CAMKK2: variants seen among roughly 807,000 people sequenced by gnomAD.
CAMKK2 encodes the protein calcium/calmodulin-dependent protein kinase kinase 2.
CAMKK2 carries 30 observed loss-of-function variants against 67.2 expected under a neutral mutation model. The observed-to-expected ratio is 0.45, with a 90% CI of 0.33 to 0.61. The LOEUF is 0.61. Among genes scored for constraint, CAMKK2 ranks in the 20% least tolerant of loss-of-function variants. CAMKK2 has a pLI of 0.02. For synonymous variants in CAMKK2, 322 were observed against 326.2 expected (o/e 0.99, Z 0.14); for missense variants, 643 against 802.0 (o/e 0.80, Z 2.39).
rs1195291672 is a variant in CAMKK2 at position 121,238,988 on chromosome 12, G to A, written c.*1711C>T. 1 of 152,640 alleles carries A rather than the reference G, an allele frequency of 6.6e-6. No individual in the cohort carries two copies. The highest frequency in any genetic ancestry group is 1.5e-5 in the Non-Finnish European group (1 of 68,072). The allele number at this position is 152,640 out of a possible 1,614,324, so 9.5% of individuals were successfully genotyped here. ...CCAGACGACCCTCTCTAGACTACCTGTCCTTTGCTCTTCAAAACCAGCATT... is the reference window on the plus strand; with the variant it reads ...CCAGACGACCCTCTCTAGACTACCTATCCTTTGCTCTTCAAAACCAGCATT... On this transcript the variant is annotated 3_prime_UTR_variant, in exon 17 of 17. Coordinates refer to ENST00000404169, the MANE Select transcript of CAMKK2 (RefSeq NM_001270485.2).
intron 1 of CAMKK2, among the ~76,000 whole-genome samples, chr12:121,275,305 G>A (rs141587130): frequency 9.1e-4 from 138 of 152,176 alleles, no homozygotes; most frequent in African/African-American, 3.1e-3. Flanking sequence ...CCAACATGGT[G>A]AAACCTCATC....
intron 13 of CAMKK2, 66 bp from the exon 14 acceptor site, chr12:121,248,800 G>T (rs765036095): frequency 2.5e-6 from 4 of 1,594,216 alleles, no homozygotes; most frequent in Non-Finnish European, 3.4e-6. Context: ...CTGCCAGCGA[G>T]CGGAGCCACA....
intron 2 of CAMKK2, 117 bp downstream of exon 2, chr12:121,273,939 G>C (rs982041383): frequency 2.4e-6 from 2 of 827,004 alleles, no homozygotes; most frequent in African/African-American, 1.7e-5. Flanking sequence ...TCAACTCCTA[G>C]GTCAACCGTG....
At chr12:121,242,782 G>A (rs1888626146) in intron 16 of CAMKK2, among the ~76,000 whole-genome samples, 1 of 151,576 alleles carries the variant, frequency 6.6e-6, no homozygotes, top group Admixed American at 6.6e-5. Context: ...TCGCTCTGTC[G>A]CCCAGGCTGG....
chr12:121,272,133 A>G (rs1895900224), intron 2 of CAMKK2, among the ~76,000 whole-genome samples: 1 of 152,204 alleles, frequency 6.6e-6, no homozygotes. Context: ...AAGCCATTGT[A>G]CCAGGCCTTG....
intron 13 of CAMKK2, 116 bp downstream of exon 13, chr12:121,249,671 G>A (rs2288693): frequency 0.055 from 48,294 of 875,110 alleles, 1,766 homozygotes; most frequent in South Asian, 0.11. Flanking sequence ...TGGGGCATAG[G>A]AGAACAGCGG....
At chr12:121,289,668 G>A (rs182786865) in intron 1 of CAMKK2, among the ~76,000 whole-genome samples, 34 of 152,182 alleles carry the variant, frequency 2.2e-4, no homozygotes, top group Admixed American at 4.6e-4. Context: ...TGAGGCGGGC[G>A]GATCACCTGA....
In CAMKK2 at chr12:121,240,523, C is replaced by CTT. The variant is rs1566023351; in HGVS notation, c.*175_*176insAA. The CTT allele has an allele frequency of 7.1e-7, 1 of 1,407,096 alleles. No homozygotes were observed. The highest frequency in any genetic ancestry group is 9.5e-7 in the Non-Finnish European group (1 of 1,052,364). The allele number at this position is 1,407,096 out of a possible 1,614,324, so 87.2% of individuals were successfully genotyped here. On this transcript the variant is annotated 3_prime_UTR_variant, in exon 17 of 17. Transcript: ENST00000404169. The surrounding 1 kb of genome is among the most constrained non-coding windows in gnomAD (Gnocchi z 4.4). ...CACGGTCGACGTCATGGAGTCAAGT[C>CTT]CTTTTTTTTTTTTTGTCCCCTTTAA...
At chr12:121,248,897 G>A (rs1242079559) in intron 13 of CAMKK2, among the ~76,000 whole-genome samples, 163 bp from the exon 14 acceptor site, 1 of 152,238 alleles carries the variant, frequency 6.6e-6, no homozygotes, top group South Asian at 2.1e-4. Context: ...CAAAGGGGCG[G>A]AAACATGAAG....
At chr12:121,284,892 G>A (rs1025573260) in intron 1 of CAMKK2, among the ~76,000 whole-genome samples, 1 of 152,154 alleles carries the variant, frequency 6.6e-6, no homozygotes, top group Non-Finnish European at 1.5e-5. Context: ...CTGTGGCTTT[G>A]GCCTCCTTGT....
intron 16 of CAMKK2, 140 bp downstream of exon 16, chr12:121,244,433 A>G (rs1400166732): frequency 1.5e-5 from 12 of 798,850 alleles, no homozygotes; most frequent in Non-Finnish European, 2.4e-5. Flanking sequence ...CTGGGTCTGG[A>G]GGCCCGCGGT....
At chr12:121,252,625 A>G (rs200123684) in intron 11 of CAMKK2, 36 bp downstream of exon 11, 2 of 1,595,488 alleles carry the variant, frequency 1.3e-6, no homozygotes, top group African/African-American at 2.7e-5. Flanking sequence ...GGGGCCACCC[A>G]GCAGTACTGA....
At position 121,253,303 on chromosome 12, in the gene CAMKK2, G is replaced by A; in HGVS notation, c.1077C>T (p.Leu359=). The change falls in exon 10 of 17, where the codon CTC becomes CTT. Residue 359 remains leucine (L), a synonymous_variant. Transcript: ENST00000404169. This position sits in a 1 kb window ranked among gnomAD's most constrained non-coding sequence, Gnocchi z 5.0. ...CAGAGAAGATCTTGCGGGTCTCAGAGAGCGACTCGGGTGCCATGAAGGCGG... is the reference window on the plus strand; with the variant it reads ...CAGAGAAGATCTTGCGGGTCTCAGAAAGCGACTCGGGTGCCATGAAGGCGG... The part of the protein sequence containing the change: ...GTPAFMAPES[L]SETRKIFSGK... 1 of 1,614,218 alleles carries A rather than the reference G, an allele frequency of 6.2e-7. No homozygotes were observed. Among genetic ancestry groups the A allele is most frequent in the Non-Finnish European group, 8.5e-7 (1 of 1,180,044 alleles).
chr12:121,255,318 ATATATATATAAT>A (rs1298605567), intron 9 of CAMKK2, among the ~76,000 whole-genome samples: 3 of 19,508 alleles, frequency 1.5e-4, no homozygotes, highest in African/African-American at 1.1e-3. Flanking sequence ...ATATAATTTT[ATATATATATAAT>A]TATATATAAT....
In CAMKK2 at chr12:121,253,611, CT is replaced by C; in HGVS notation, c.908-140del. 1 of 713,658 alleles carries C rather than the reference CT, an allele frequency of 1.4e-6. No individual in the cohort carries two copies. The highest frequency in any genetic ancestry group is 2.4e-6 in the Non-Finnish European group (1 of 410,920). 44.2% of individuals were successfully genotyped at this position (713,658 alleles called of 1,614,324 possible). ...CCCACAGCCCCAGGCCTTTTCCAAC[CT>C]TCCACTCCCCAAACCCGCTGGGCAC... On this transcript the variant is annotated intron_variant, in intron 9 of 16. Coordinates refer to ENST00000404169, the MANE Select transcript of CAMKK2 (RefSeq NM_001270485.2). The surrounding 1 kb of genome is among the most constrained non-coding windows in gnomAD (Gnocchi z 5.0).
intron 2 of CAMKK2, among the ~76,000 whole-genome samples, chr12:121,272,081 T>G (rs1387694377): frequency 6.6e-6 from 1 of 152,150 alleles, no homozygotes; most frequent in Non-Finnish European, 1.5e-5. Flanking sequence ...TCTTAAGTGA[T>G]CCTCCCGCCT....
intron 1 of CAMKK2, among the ~76,000 whole-genome samples, chr12:121,295,628 G>A (rs1352087208): frequency 6.6e-6 from 1 of 152,190 alleles, no homozygotes; most frequent in Non-Finnish European, 1.5e-5. Context: ...CCTGCGTGGA[G>A]ACTCCAAACA....
At chr12:121,250,480 C>G (rs561480950) in intron 11 of CAMKK2, among the ~76,000 whole-genome samples, 9 of 152,130 alleles carry the variant, frequency 5.9e-5, no homozygotes, top group Non-Finnish European at 1.2e-4. Context: ...TTCACTGTTC[C>G]CCGTCCCTGG....
chr12:121,258,349 T>C (rs926325072), intron 7 of CAMKK2, among the ~76,000 whole-genome samples: 3 of 152,088 alleles, frequency 2.0e-5, no homozygotes, highest in Non-Finnish European at 4.4e-5. Context: ...TTTTGTTTTA[T>C]TGAGACAGGG....
Sources: allele counts gnomAD v4.1 joint callset (sites outside exome capture counted in the v4.1 genomes callset), GRCh38; gene constraint gnomAD v4.1.1; non-coding constraint Gnocchi (gnomAD v3.1); transcripts MANE v1.5; gene names NCBI Gene and HGNC (gene_info 2026-07-23, HGNC 2026-07-21).